Variants in ITCH observed in about 807,000 individuals in gnomAD.
ITCH encodes E3 ubiquitin-protein ligase Itchy homolog.
ITCH carries 28 observed loss-of-function variants against 126.8 expected under a neutral mutation model. The ratio of observed to expected loss-of-function variants is 0.22; its 90% CI spans 0.16 to 0.30. ITCH has a LOEUF of 0.30. ITCH is among the 10% of genes least tolerant of loss of function. ITCH has a pLI of 1.00. For missense variants in ITCH, 631 were observed against 1,032.4 expected (o/e 0.61, Z 5.33); for synonymous variants, 342 against 340.0 (o/e 1.01, Z -0.06).
Position 34,511,086 on chromosome 20 carries a change from A to C in ITCH, c.*3292A>C, listed in dbSNP as rs953986694. The C allele has an allele frequency of 3.3e-5, 5 of 152,126 alleles. No individual in the cohort carries two copies. In the South Asian group the frequency reaches 6.2e-4, roughly 19 times the overall value. 9.4% of individuals were successfully genotyped at this position (152,126 alleles called of 1,614,324 possible). On this transcript the variant is annotated 3_prime_UTR_variant, in exon 25 of 25. Coordinates refer to ENST00000374864, the MANE Select transcript of ITCH (RefSeq NM_031483.7). Reference sequence around the variant, plus strand: ...AACTTACCTTTCTAAACTCCTTTAGAGTTAACGACTTCTATTTAGTATTGT... The same window carrying C: ...AACTTACCTTTCTAAACTCCTTTAGCGTTAACGACTTCTATTTAGTATTGT...
rs1324272821 is a variant in ITCH at position 34,365,484 on chromosome 20, G to T, written c.-99+2135G>T. Among the ~76,000 whole-genome samples the T allele has an allele frequency of 2.0e-5, 3 of 151,418 alleles. No homozygotes were observed. In the East Asian group the frequency reaches 5.8e-4, roughly 29 times the overall value. On this transcript the variant is annotated intron_variant, in intron 1 of 24. Transcript: ENST00000374864. ...GGCTGGAGTACAGTGGTGTGATCTC[G>T]GCTTACTGTAACCTCCGCCTCCCGG...
intron 3 of ITCH, among the ~76,000 whole-genome samples, chr20:34,408,216 G>T (rs2146143968): frequency 7.0e-6 from 1 of 143,420 alleles, no homozygotes; most frequent in Non-Finnish European, 1.5e-5. Flanking sequence ...GCTGGGACTG[G>T]CACACGCCAC....
chr20:34,398,718 A>G (rs2038764699), intron 3 of ITCH, among the ~76,000 whole-genome samples: 1 of 152,018 alleles, frequency 6.6e-6, no homozygotes, highest in Admixed American at 6.6e-5. Context: ...TCTTTTTTAT[A>G]AATTTTTTTC....
intron 2 of ITCH, 53 bp from the exon 3 acceptor site, chr20:34,393,738 A>G (rs2038567780): frequency 2.9e-6 from 3 of 1,026,904 alleles, no homozygotes; most frequent in Non-Finnish European, 4.7e-6. Context: ...CTATTTATAT[A>G]TGTTTTTAAT....
chr20:34,372,871 A>G (rs997983736), intron 2 of ITCH, among the ~76,000 whole-genome samples: 1 of 152,170 alleles, frequency 6.6e-6, no homozygotes, highest in African/African-American at 2.4e-5. Context: ...GTGATTGATT[A>G]TTATAAAAAG....
chr20:34,378,690 A>G (rs2037942099), intron 2 of ITCH, among the ~76,000 whole-genome samples: 1 of 152,084 alleles, frequency 6.6e-6, no homozygotes, highest in Non-Finnish European at 1.5e-5. Context: ...GGATGGTCTA[A>G]CCTAGTTTTT....
chr20:34,446,761 T>C (rs1416630062), intron 11 of ITCH, among the ~76,000 whole-genome samples: 1 of 152,210 alleles, frequency 6.6e-6, no homozygotes, highest in African/African-American at 2.4e-5. Context: ...AGTTTCCACA[T>C]GGGTGTTCAG....
chr20:34,442,016 T>C (rs571128426), intron 9 of ITCH, 192 bp from the exon 10 acceptor site: 18 of 610,120 alleles, frequency 3.0e-5, no homozygotes, highest in Middle Eastern at 3.0e-4. Context: ...GAAATTGAAT[T>C]CACTGTGTGC....
intron 22 of ITCH, among the ~76,000 whole-genome samples, chr20:34,491,090 C>A (rs556246948): frequency 2.0e-5 from 3 of 152,118 alleles, no homozygotes; most frequent in Admixed American, 6.5e-5. Flanking sequence ...AATCATAAAT[C>A]GAACCATCAT....
chr20:34,461,261 A>G (rs1248137279), intron 13 of ITCH, among the ~76,000 whole-genome samples: 5 of 152,220 alleles, frequency 3.3e-5, no homozygotes, highest in Admixed American at 2.0e-4. Flanking sequence ...TTAGATCTTA[A>G]TCATTGGTAA....
chr20:34,454,238 C>T (rs6059848), intron 12 of ITCH, among the ~76,000 whole-genome samples: 68,353 of 149,000 alleles, frequency 0.46, 16,254 homozygotes, highest in Non-Finnish European at 0.52. Flanking sequence ...CCCGGGTTCA[C>T]GCCATTCTCC....
chr20:34,397,305 G>A lies in ITCH; in HGVS notation c.70+3424G>A, dbSNP rs140192911. 3.8e-3 allele frequency among the ~76,000 whole-genome samples: 581 copies of A among 152,316 alleles called. 4 individuals are homozygous for A. Among genetic ancestry groups the A allele is most frequent in the African/African-American group, 0.013 (541 of 41,560 alleles). The stretch of plus-strand genomic sequence containing the variant: ...CAAAGTACAGGGATTACAGGCGTGA[G>A]CCACCGCGTCCGGCCTGTAAGTCTT... On this transcript the variant is annotated intron_variant, in intron 3 of 24. Coordinates refer to ENST00000374864, the MANE Select transcript of ITCH (RefSeq NM_031483.7).
At chr20:34,401,982 C>T (rs1381833757) in intron 3 of ITCH, among the ~76,000 whole-genome samples, 1 of 152,086 alleles carries the variant, frequency 6.6e-6, no homozygotes, top group Non-Finnish European at 1.5e-5. Context: ...GGGGGGGCGG[C>T]GCATAGCTAT....
At chr20:34,459,518 T>C (rs1986318785) in intron 13 of ITCH, among the ~76,000 whole-genome samples, 1 of 152,204 alleles carries the variant, frequency 6.6e-6, no homozygotes, top group South Asian at 2.1e-4. Flanking sequence ...AACAAAGATA[T>C]TCCCAATACG....
At chr20:34,483,911 A>C (rs899621606) in intron 20 of ITCH, among the ~76,000 whole-genome samples, 3 of 152,204 alleles carry the variant, frequency 2.0e-5, no homozygotes, top group Non-Finnish European at 4.4e-5. Context: ...ATCATGGTGG[A>C]AGGCAAGGAG....
chr20:34,367,831 A>G (rs1468030218), intron 1 of ITCH, among the ~76,000 whole-genome samples: 2 of 152,238 alleles, frequency 1.3e-5, no homozygotes, highest in African/African-American at 4.8e-5. Flanking sequence ...TACAAAGATC[A>G]ATGTGCACTA....
intron 20 of ITCH, among the ~76,000 whole-genome samples, chr20:34,481,760 C>T (rs1988768952): frequency 6.6e-6 from 1 of 152,158 alleles, no homozygotes; most frequent in Non-Finnish European, 1.5e-5. Context: ...TGCCTGTAAT[C>T]CTAGCACTTT....
At chr20:34,493,972 T>C (rs1466039926) in intron 23 of ITCH, among the ~76,000 whole-genome samples, 1 of 152,222 alleles carries the variant, frequency 6.6e-6, no homozygotes, top group East Asian at 1.9e-4. Context: ...CTCACGCCTA[T>C]AATTCCAGCA....
chr20:34,364,901 A>T (rs2037357562), intron 1 of ITCH, among the ~76,000 whole-genome samples: 1 of 149,352 alleles, frequency 6.7e-6, no homozygotes, highest in Non-Finnish European at 1.5e-5. Flanking sequence ...AAAAAAAAAA[A>T]AAAAAAAAAA....
Sources: gnomAD v4.1 joint callset for allele counts (sites outside exome capture counted in the v4.1 genomes callset) on GRCh38, gnomAD v4.1.1 for gene constraint, MANE v1.5 for transcripts, NCBI Gene and HGNC (gene_info 2026-07-23, HGNC 2026-07-21) for gene names.